The following PMEL variants were observed in gnomAD, a reference collection of about 807,000 sequenced individuals.
PMEL encodes the protein melanocyte protein PMEL.
Under a neutral mutation model 64.9 loss-of-function variants are expected in PMEL, and 53 were observed. That is an observed-to-expected ratio of 0.82 (90% CI 0.66 to 1.03). The LOEUF (loss-of-function observed/expected upper bound fraction) is 1.03. Among genes scored for constraint, PMEL ranks in the 50% least tolerant of loss-of-function variants. The pLI, the probability that PMEL is intolerant of heterozygous loss-of-function variation, is 0.00. For synonymous variants in PMEL, 299 were observed against 316.2 expected (o/e 0.95, Z 0.58); for missense variants, 716 against 814.9 (o/e 0.88, Z 1.48).
Position 55,958,460 on chromosome 12 carries a change from G to A in PMEL, c.469+13C>T. 1 of 1,612,652 alleles carries A rather than the reference G, an allele frequency of 6.2e-7. No homozygotes were observed. Among genetic ancestry groups the A allele is most frequent in the Non-Finnish European group, 8.5e-7 (1 of 1,179,332 alleles). ...ACAAGTGTGGATGATAGGCTGAGAA[G>A]GGAGTCCCTCACCCCAGGTCTTCCA... is the stretch of plus-strand genomic sequence containing the variant. On this transcript the variant is annotated intron_variant, in intron 4 of 10. Coordinates refer to ENST00000548747, the MANE Select transcript of PMEL (RefSeq NM_001384361.1).
At position 55,957,332 on chromosome 12, in the gene PMEL, G is replaced by T; in HGVS notation, c.971C>A (p.Ala324Asp). Residue 324 changes from alanine (A) to aspartate (D), a missense_variant, in exon 6 of 11, where the codon GCT becomes GAT. Ala to Asp is a moderately radical substitution (Grantham distance 126). Coordinates refer to ENST00000548747, the MANE Select transcript of PMEL (RefSeq NM_001384361.1). ...AACTTCTGTAGTAGGCACTTGGCCA[G>T]CTGTGGTGTTAGGGGCCTCTGCAGT... ...RPTAEAPNTT[A>D]GQVPTTEVVG... 6.2e-7 allele frequency: 1 copy of T among 1,600,808 alleles called. No individual in the cohort carries two copies. Among genetic ancestry groups the T allele is most frequent in the African/African-American group, 1.3e-5 (1 of 74,746 alleles).
Position 55,955,761 on chromosome 12 carries a change from C to G in PMEL, c.1556+18G>C. 6.2e-7 allele frequency: 1 copy of G among 1,611,212 alleles called. No individual in the cohort carries two copies. The highest frequency in any genetic ancestry group is 8.5e-7 in the Non-Finnish European group (1 of 1,177,340). ...ACAGTCAACCAAAGAGTTACCAGCA[C>G]ACTAGTGAGACACTCACCCGCCTTG... On this transcript the variant is annotated intron_variant, in intron 8 of 10. Transcript: ENST00000548747.
chr12:55,961,304 G>A lies in PMEL; in HGVS notation c.334+13C>T. The A allele has an allele frequency of 6.2e-7, 1 of 1,613,444 alleles. No homozygotes were observed. Among genetic ancestry groups the A allele is most frequent in the Non-Finnish European group, 8.5e-7 (1 of 1,179,408 alleles). On this transcript the variant is annotated intron_variant, in intron 3 of 10. Coordinates refer to ENST00000548747, the MANE Select transcript of PMEL (RefSeq NM_001384361.1). ...GCCCTAGGAATAAGGACCTAGAATA[G>A]AGAAGTACTCACCATTGATGATGGT...
In PMEL at chr12:55,961,336, G is replaced by T. The variant is rs893549136; in HGVS notation, c.315C>A (p.Val105=). 2 of 1,614,042 alleles carry T rather than the reference G, an allele frequency of 1.2e-6. No individual in the cohort carries two copies. Among genetic ancestry groups the T allele is most frequent in the African/African-American group, 1.3e-5 (1 of 75,030 alleles). Residue 105 remains valine, a synonymous_variant, in exon 3 of 11, where the codon GTC becomes GTA. Coordinates refer to ENST00000548747, the MANE Select transcript of PMEL (RefSeq NM_001384361.1). ...KVLPDGQVIW[V]NNTIINGSQV... is the part of the protein sequence containing the mutation. Reference sequence around the variant, plus strand: ...ACTCACCATTGATGATGGTATTGTTGACCCAGATAACCTGCCCATCTGGCA... The same window carrying T: ...ACTCACCATTGATGATGGTATTGTTTACCCAGATAACCTGCCCATCTGGCA...
At chr12:55,965,273 G>T (rs2136452906) in intron 1 of PMEL, among the ~76,000 whole-genome samples, 1 of 152,198 alleles carries the variant, frequency 6.6e-6, no homozygotes, top group African/African-American at 2.4e-5. Context: ...ATTCTGCTGG[G>T]GGAGGATCTG....
intron 6 of PMEL, 46 bp downstream of exon 6, chr12:55,956,903 T>G (rs1198347353): frequency 1.3e-6 from 2 of 1,584,544 alleles, no homozygotes; most frequent in African/African-American, 2.7e-5. Flanking sequence ...CAGAGTAGAG[T>G]AGGGTACCCC....
chr12:55,954,941 C>G (rs1888797613), intron 10 of PMEL, among the ~76,000 whole-genome samples: 1 of 152,160 alleles, frequency 6.6e-6, no homozygotes, highest in South Asian at 2.1e-4. Flanking sequence ...CCAAACTGCC[C>G]CCACTCTTCA....
At position 55,961,664 on chromosome 12, in the gene PMEL, A is replaced by G; in HGVS notation, c.145T>C (p.Tyr49His). 1 of 1,613,932 alleles carries G rather than the reference A, an allele frequency of 6.2e-7. No individual in the cohort carries two copies. Among genetic ancestry groups the G allele is most frequent in the Non-Finnish European group, 8.5e-7 (1 of 1,179,974 alleles). The change falls in exon 2 of 11, where the codon TAT becomes CAT. Residue 49 changes from tyrosine to histidine, a missense_variant. Tyr to His is a moderately conservative substitution (Grantham distance 83, BLOSUM62 2). Transcript: ENST00000548747. Reference sequence around the variant, plus strand: ...CTCTGGGCTTCTGTCCACTCTGGATACAGCTGCCTGTTCCAGGCTTTGGTT... The same window carrying G: ...CTCTGGGCTTCTGTCCACTCTGGATGCAGCTGCCTGTTCCAGGCTTTGGTT... ...LRTKAWNRQLYPEWTEAQRLD... is the reference protein window; with the variant it reads ...LRTKAWNRQLHPEWTEAQRLD...
intron 3 of PMEL, among the ~76,000 whole-genome samples, chr12:55,960,738 A>G (rs1441945688): frequency 2.7e-5 from 4 of 147,030 alleles, no homozygotes; most frequent in Non-Finnish European, 3.0e-5. Context: ...TAGTAGAGAC[A>G]GGGTTTCACC....
intron 2 of PMEL, 51 bp from the exon 3 acceptor site, chr12:55,961,514 A>G: frequency 6.2e-7 from 1 of 1,608,210 alleles, no homozygotes; most frequent in South Asian, 1.1e-5. Context: ...CCCTCCCTGT[A>G]TACGTTTCCC....
At chr12:55,955,429 CCCTT>C in intron 9 of PMEL, 31 bp downstream of exon 9, 1 of 1,612,976 alleles carries the variant, frequency 6.2e-7, no homozygotes. Flanking sequence ...TCTATCCACT[CCCTT>C]CCTCATCTTA....
chr12:55,965,715 CCTT>C (rs1889273375), intron 1 of PMEL, among the ~76,000 whole-genome samples: 1 of 152,172 alleles, frequency 6.6e-6, no homozygotes, highest in African/African-American at 2.4e-5. Context: ...GCCACAGAGA[CCTT>C]CTATCCTTCT....
At chr12:55,959,386 AAAATAAATAAAT>A (rs200660768) in intron 3 of PMEL, among the ~76,000 whole-genome samples, 4 of 150,000 alleles carry the variant, frequency 2.7e-5, no homozygotes, top group Non-Finnish European at 4.4e-5. Context: ...CCCCGACTTT[AAAATAAATAAAT>A]AAATAAATAA....
chr12:55,955,125 C>A, intron 10 of PMEL, 149 bp downstream of exon 10: 1 of 718,530 alleles, frequency 1.4e-6, no homozygotes, highest in Non-Finnish European at 2.5e-6. Flanking sequence ...AGCAAGACTG[C>A]AACCCAAGTC....
At chr12:55,960,437 G>A (rs1477610707) in intron 3 of PMEL, among the ~76,000 whole-genome samples, 1 of 150,948 alleles carries the variant, frequency 6.6e-6, no homozygotes, top group Non-Finnish European at 1.5e-5. Context: ...GTACAGTGGC[G>A]TGATCATGCA....
At chr12:55,958,424 A>T in intron 4 of PMEL, 49 bp downstream of exon 4, 1 of 1,578,592 alleles carries the variant, frequency 6.3e-7, no homozygotes, top group South Asian at 1.1e-5. Context: ...ATCAGGTAGA[A>T]AGAAGTAAAC....
At chr12:55,965,603 A>C (rs1315918679) in intron 1 of PMEL, among the ~76,000 whole-genome samples, 1 of 151,970 alleles carries the variant, frequency 6.6e-6, no homozygotes, top group Non-Finnish European at 1.5e-5. Flanking sequence ...CCCCACTTTA[A>C]ATCTCCTACC....
chr12:55,954,499 T>C (rs1888766021), intron 10 of PMEL, 150 bp from the exon 11 acceptor site: 5 of 771,780 alleles, frequency 6.5e-6, no homozygotes, highest in Non-Finnish European at 1.1e-5. Context: ...GTTTACCCTC[T>C]CTTATTTCTG....
At chr12:55,964,442 G>A (rs895538942) in intron 1 of PMEL, among the ~76,000 whole-genome samples, 2 of 151,284 alleles carry the variant, frequency 1.3e-5, no homozygotes, top group South Asian at 2.1e-4. Flanking sequence ...TTACAGGCGT[G>A]AGCCACCAAG....
Sources: allele counts gnomAD v4.1 joint callset (sites outside exome capture counted in the v4.1 genomes callset), GRCh38; gene constraint gnomAD v4.1.1; transcripts MANE v1.5; gene names NCBI Gene and HGNC (gene_info 2026-07-23, HGNC 2026-07-21).